The following MTPAP variants were observed in gnomAD, a reference collection of about 807,000 sequenced individuals.
MTPAP encodes the protein mitochondrial poly(A) polymerase, also known as poly(A) RNA polymerase, mitochondrial.
MTPAP carries 23 observed loss-of-function variants against 48.7 expected under a neutral mutation model. That is an observed-to-expected ratio of 0.47 (90% CI 0.34 to 0.67). MTPAP has a LOEUF of 0.67. MTPAP is among the 30% of genes least tolerant of loss of function. The pLI, the probability that MTPAP is intolerant of heterozygous loss-of-function variation, is 0.01. For synonymous variants in MTPAP, 257 were observed against 254.1 expected (o/e 1.01, Z -0.11); for missense variants, 614 against 694.3 (o/e 0.88, Z 1.30).
intron 3 of MTPAP, among the ~76,000 whole-genome samples, chr10:30,337,397 C>G (rs1417264342): frequency 1.3e-5 from 2 of 151,954 alleles, no homozygotes; most frequent in African/African-American, 4.8e-5. Flanking sequence ...GCACTCCAGC[C>G]TGGGCAACAA....
At chr10:30,339,659 G>A (rs1341976722) in intron 3 of MTPAP, among the ~76,000 whole-genome samples, 2 of 152,182 alleles carry the variant, frequency 1.3e-5, no homozygotes, top group Admixed American at 1.3e-4. Context: ...GCATGGCGGG[G>A]AAGGAGCAGA....
At chr10:30,319,428 C>T (rs1350561958) in intron 6 of MTPAP, among the ~76,000 whole-genome samples, 7 of 152,046 alleles carry the variant, frequency 4.6e-5, no homozygotes, top group Admixed American at 3.3e-4. Context: ...ATGAGAGGTA[C>T]AGCTTAGAAG....
Position 30,322,719 on chromosome 10 carries a change from T to C in MTPAP, c.993-102A>G, listed in dbSNP as rs1840739486. On this transcript the variant is annotated intron_variant, in intron 5 of 8. Transcript: ENST00000263063. ...AAACACATCTAAATATCCTACTATA[T>C]CTGAATGTATTCAGAACATCATTAG... is the stretch of plus-strand genomic sequence containing the variant. 3 of 803,874 alleles carry C rather than the reference T, an allele frequency of 3.7e-6. No individual in the cohort carries two copies. The South Asian group carries it at 4.5e-5, about 12-fold the overall frequency. 49.8% of individuals were successfully genotyped at this position (803,874 alleles called of 1,614,324 possible).
rs766426999 is a variant in MTPAP, at chr10:30,336,797, A to G, written c.780+6T>C. 1.3e-6 allele frequency: 2 copies of G among 1,586,414 alleles called. No homozygotes were observed. Among genetic ancestry groups the G allele is most frequent in the Non-Finnish European group, 1.7e-6 (2 of 1,156,460 alleles). On this transcript the variant is annotated splice_donor_region_variant and intron_variant, in intron 4 of 8. Coordinates refer to ENST00000263063, the MANE Select transcript of MTPAP (RefSeq NM_018109.4). ...TGATTATAGTGGTCAAAAGAAATAG[A>G]CTTACCTTGTGAGCGCTGAGGTTTC... is the stretch of plus-strand genomic sequence containing the variant.
intron 8 of MTPAP, 104 bp from the exon 9 acceptor site, chr10:30,314,075 T>C (rs1840633668): frequency 8.0e-7 from 1 of 1,244,168 alleles, no homozygotes. Flanking sequence ...ACACCAGCAT[T>C]AACTTTACAT....
chr10:30,339,824 T>G (rs997852122), intron 3 of MTPAP: 11 of 208,784 alleles, frequency 5.3e-5, no homozygotes, highest in Admixed American at 1.1e-4. Context: ...CTAAGTAGGG[T>G]TTATTCTGTG....
At position 30,322,467 on chromosome 10, in the gene MTPAP, T is replaced by C. The variant is rs1383560071; in HGVS notation, c.1143A>G (p.Thr381=). 2 of 1,613,946 alleles carry C rather than the reference T, an allele frequency of 1.2e-6. No homozygotes were observed. The highest frequency in any genetic ancestry group is 1.7e-6 in the Non-Finnish European group (2 of 1,179,890). ...PGAWITNFSL[T]MMVIFFLQRR... ...TCTGGAGAAAAAAGATGACCATCAT[T>C]GTAAGGGAGAAATTTGTAATCCATG... The change falls in exon 6 of 9, where the codon ACA becomes ACG. Residue 381 remains threonine, a synonymous_variant. Transcript: ENST00000263063.
intron 1 of MTPAP, among the ~76,000 whole-genome samples, chr10:30,348,314 T>C (rs1478805287): frequency 6.6e-6 from 1 of 152,230 alleles, no homozygotes; most frequent in Non-Finnish European, 1.5e-5. Context: ...CAAGGAATCG[T>C]AGAAGTCAAT....
chr10:30,338,766 GATAA>G (rs2132865687), intron 3 of MTPAP, among the ~76,000 whole-genome samples: 2 of 152,242 alleles, frequency 1.3e-5, no homozygotes, highest in African/African-American at 4.8e-5. Context: ...ATAATATTTT[GATAA>G]ATAAAGCCAT....
intron 4 of MTPAP, among the ~76,000 whole-genome samples, chr10:30,329,783 G>A (rs1324194099): frequency 6.6e-6 from 1 of 151,830 alleles, no homozygotes; most frequent in African/African-American, 2.4e-5. Context: ...AAAAAAAAAA[G>A]ATACCACCCT....
At chr10:30,338,297 CATTA>C (rs1158906112) in intron 3 of MTPAP, among the ~76,000 whole-genome samples, 17 of 59,988 alleles carry the variant, frequency 2.8e-4, no homozygotes, top group Non-Finnish European at 1.2e-3. Context: ...AACAACATAA[CATTA>C]ACATAACAAC....
In MTPAP at chr10:30,337,003, A is replaced by G; in HGVS notation, c.580T>C (p.Leu194=). ...ESIDDQLNTL[L]KEFQLTEENT... ...TCCTCTGTTAGCTGGAACTCCTTCA[A>G]GAGAGTGTTCAGCTGATCGTCTATC... The change falls in exon 4 of 9, where the codon TTG becomes CTG. Residue 194 remains leucine (L), a synonymous_variant. Transcript: ENST00000263063. The G allele has an allele frequency of 6.2e-7, 1 of 1,613,372 alleles. No homozygotes were observed.
In MTPAP at chr10:30,341,540, G is replaced by A. The variant is rs1199345618; in HGVS notation, c.258C>T (p.Ile86=). Residue 86 remains isoleucine (I), a synonymous_variant, in exon 2 of 9, where the codon ATC becomes ATT. Coordinates refer to ENST00000263063, the MANE Select transcript of MTPAP (RefSeq NM_018109.4). ...AATATTTAAGAAACTTGTTTTCACT[G>A]ATTTTCTCTGGGCAATGTATTAAAA... is the stretch of plus-strand genomic sequence containing the variant. The part of the protein sequence containing the change: ...RTVLIHCPEK[I]SENKFLKYLS... The A allele has an allele frequency of 6.2e-7, 1 of 1,613,850 alleles. No individual in the cohort carries two copies. Among genetic ancestry groups the A allele is most frequent in the Non-Finnish European group, 8.5e-7 (1 of 1,179,906 alleles).
intron 1 of MTPAP, among the ~76,000 whole-genome samples, chr10:30,348,380 C>G (rs948746388): frequency 6.6e-6 from 1 of 152,146 alleles, no homozygotes; most frequent in Non-Finnish European, 1.5e-5. Context: ...AGTGACCTTG[C>G]CTAAGTTATT....
chr10:30,330,007 A>G (rs1376309566), intron 4 of MTPAP, among the ~76,000 whole-genome samples: 1 of 152,140 alleles, frequency 6.6e-6, no homozygotes, highest in Non-Finnish European at 1.5e-5. Flanking sequence ...AGGAAAAAAA[A>G]TCCAGAATAT....
chr10:30,318,089 C>T (rs1461988157), intron 6 of MTPAP, among the ~76,000 whole-genome samples: 1 of 152,132 alleles, frequency 6.6e-6, no homozygotes, highest in East Asian at 1.9e-4. Context: ...AAACTCCTGA[C>T]CTTAAGTGAT....
intron 2 of MTPAP, 143 bp downstream of exon 2, chr10:30,341,325 A>C (rs1834803537): frequency 9.2e-7 from 1 of 1,089,726 alleles, no homozygotes; most frequent in African/African-American, 1.6e-5. Flanking sequence ...AAACTCATTA[A>C]AGAAATCTAG....
chr10:30,334,704 G>A (rs754310553), intron 4 of MTPAP, among the ~76,000 whole-genome samples: 22 of 152,080 alleles, frequency 1.4e-4, no homozygotes, highest in Non-Finnish European at 2.2e-4. Context: ...AATTGGGTAT[G>A]TAACAATATA....
intron 4 of MTPAP, among the ~76,000 whole-genome samples, chr10:30,328,848 C>T (rs1036780697): frequency 6.6e-5 from 10 of 151,770 alleles, no homozygotes; most frequent in South Asian, 2.1e-4. Context: ...AAAATCAGTG[C>T]GGGTAGGGAG....
Sources: allele counts gnomAD v4.1 joint callset (sites outside exome capture counted in the v4.1 genomes callset), GRCh38; gene constraint gnomAD v4.1.1; transcripts MANE v1.5; gene names NCBI Gene and HGNC (gene_info 2026-07-23, HGNC 2026-07-21).